DOCK3: variants seen among roughly 807,000 people sequenced by gnomAD.
The protein encoded by DOCK3 is dedicator of cytokinesis protein 3.
In DOCK3, 60 loss-of-function variants were observed where a neutral mutation model predicts 265.6. The observed-to-expected ratio is 0.23, with a 90% CI of 0.18 to 0.28. DOCK3 has a LOEUF of 0.28. DOCK3 is among the 10% of genes least tolerant of loss of function. The probability of loss-of-function intolerance (pLI) is 1.00; values close to 1 mark genes in which losing one functional copy is unlikely to be tolerated. For missense variants in DOCK3, 1,981 were observed against 2,594.3 expected (o/e 0.76, Z 5.14); for synonymous variants, 881 against 938.0 (o/e 0.94, Z 1.11).
chr3:51,294,877 A>G (rs972302201), intron 27 of DOCK3, among the ~76,000 whole-genome samples: 2 of 152,148 alleles, frequency 1.3e-5, no homozygotes, highest in Non-Finnish European at 2.9e-5. Context: ...CAAAATAGCT[A>G]AAACAGTATT....
chr3:51,315,098 G>A lies in DOCK3; in HGVS notation c.3372G>A (p.Trp1124Ter). The A allele has an allele frequency of 6.2e-7, 1 of 1,610,404 alleles. No individual in the cohort carries two copies. Among genetic ancestry groups the A allele is most frequent in the Non-Finnish European group, 8.5e-7 (1 of 1,177,926 alleles). ...MIPIFHDMMD[W>*]EQRKNGNFKQ... ...CCATCTTTCATGACATGATGGACTG[G>A]GAGCAGAGAAAAAATGGCAACTTCA... Residue 1124 changes from tryptophan (W) to a stop codon, truncating the protein, a stop_gained, in exon 32 of 53, where the codon TGG becomes TGA. Coordinates refer to ENST00000266037, the MANE Select transcript of DOCK3 (RefSeq NM_004947.5). LOFTEE classifies it high-confidence loss of function.
At chr3:51,380,278 G>A in intron 52 of DOCK3, 71 bp downstream of exon 52, 1 of 1,416,512 alleles carries the variant, frequency 7.1e-7, no homozygotes, top group South Asian at 1.3e-5. Context: ...AACCACCCTT[G>A]GGGTCTACAG....
intron 1 of DOCK3, among the ~76,000 whole-genome samples, chr3:50,703,298 A>T (rs2036171697): frequency 1.3e-5 from 2 of 151,810 alleles, no homozygotes; most frequent in African/African-American, 4.8e-5. Context: ...GTTGGCCTGT[A>T]GTTTTCTCTT....
At chr3:51,170,816 AC>A (rs1354444338) in intron 12 of DOCK3, among the ~76,000 whole-genome samples, 1 of 151,762 alleles carries the variant, frequency 6.6e-6, no homozygotes, top group African/African-American at 2.4e-5. Context: ...GGTAGCACAC[AC>A]CTGTAATCCC....
chr3:50,754,679 C>T (rs762162922), intron 1 of DOCK3, among the ~76,000 whole-genome samples: 5 of 151,712 alleles, frequency 3.3e-5, no homozygotes, highest in African/African-American at 4.8e-5. Flanking sequence ...CCTGCCTAAG[C>T]CTCCCAAGTA....
rs59370167 is a variant in DOCK3, at chr3:50,807,249, C to CT, written c.121+28514dup. 2.3e-3 allele frequency among the ~76,000 whole-genome samples: 339 copies of CT among 144,276 alleles called. 2 individuals carry two copies. Among genetic ancestry groups the CT allele is most frequent in the African/African-American group, 7.9e-3 (301 of 38,266 alleles). 94.7% of individuals were successfully genotyped at this position (144,276 alleles called of 152,430 possible). On this transcript the variant is annotated intron_variant, in intron 2 of 52. Coordinates refer to ENST00000266037, the MANE Select transcript of DOCK3 (RefSeq NM_004947.5). ...GTCAGCCATCTTGCTCTGCCACGCTCTTTTTTTTTTTTTTTTTTTTTTTGG... is the reference window on the plus strand; with the variant it reads ...GTCAGCCATCTTGCTCTGCCACGCTCTTTTTTTTTTTTTTTTTTTTTTTTGG...
intron 14 of DOCK3, among the ~76,000 whole-genome samples, chr3:51,221,369 G>T: frequency 6.6e-6 from 1 of 152,128 alleles, no homozygotes; most frequent in South Asian, 2.1e-4. Flanking sequence ...GTAAACTATA[G>T]CCTATGGGCC....
chr3:51,008,015 G>C (rs1456525124), intron 5 of DOCK3, among the ~76,000 whole-genome samples: 1 of 152,076 alleles, frequency 6.6e-6, no homozygotes, highest in Non-Finnish European at 1.5e-5. Context: ...TGTTGTTTTG[G>C]TTACTGTAGC....
intron 51 of DOCK3, among the ~76,000 whole-genome samples, chr3:51,377,596 A>G (rs1435427518): frequency 6.6e-6 from 1 of 152,166 alleles, no homozygotes; most frequent in Non-Finnish European, 1.5e-5. Context: ...TTCCTAGGAT[A>G]AGTCATTCTG....
rs1459596235 is a variant in DOCK3, at chr3:51,160,541, C to T, written c.890-14C>T. 2 of 1,598,064 alleles carry T rather than the reference C, an allele frequency of 1.3e-6. No individual in the cohort carries two copies. The highest frequency in any genetic ancestry group is 1.7e-6 in the Non-Finnish European group (2 of 1,173,978). ...CTTTTCTCAGTCTGACTGGTGTTTT[C>T]TGCTGTGCCCAAGGCCGGATGCTCC... On this transcript the variant is annotated splice_polypyrimidine_tract_variant and intron_variant, in intron 11 of 52. Coordinates refer to ENST00000266037, the MANE Select transcript of DOCK3 (RefSeq NM_004947.5).
chr3:51,053,622 C>T (rs973342150), intron 5 of DOCK3, among the ~76,000 whole-genome samples: 29 of 151,960 alleles, frequency 1.9e-4, no homozygotes, highest in East Asian at 3.9e-4. Context: ...GGGGTTTCAC[C>T]GTGTCAGCAA....
chr3:50,849,103 T>C (rs2046233475), intron 3 of DOCK3, among the ~76,000 whole-genome samples: 1 of 151,858 alleles, frequency 6.6e-6, no homozygotes, highest in Admixed American at 6.6e-5. Context: ...GGTGTGATCA[T>C]GGTTTACTGC....
intron 2 of DOCK3, among the ~76,000 whole-genome samples, chr3:50,803,918 G>T (rs371579265): frequency 6.6e-6 from 1 of 151,922 alleles, no homozygotes; most frequent in Non-Finnish European, 1.5e-5. Flanking sequence ...CGGCTGCCGG[G>T]TGGAGACGCT....
chr3:51,080,456 C>T (rs1248894134), intron 7 of DOCK3, among the ~76,000 whole-genome samples: 2 of 152,028 alleles, frequency 1.3e-5, no homozygotes, highest in African/African-American at 4.8e-5. Flanking sequence ...GCATTACAAC[C>T]CTAATAGAGG....
intron 2 of DOCK3, among the ~76,000 whole-genome samples, chr3:50,806,424 G>A (rs1398935460): frequency 6.6e-6 from 1 of 151,884 alleles, no homozygotes; most frequent in Non-Finnish European, 1.5e-5. Flanking sequence ...CCAGGGGCAT[G>A]TCTGTGTTGG....
chr3:51,374,518 G>C lies in DOCK3; in HGVS notation c.5343G>C (p.Leu1781Phe). 1 of 1,613,870 alleles carries C rather than the reference G, an allele frequency of 6.2e-7. No individual in the cohort carries two copies. Among genetic ancestry groups the C allele is most frequent in the Non-Finnish European group, 8.5e-7 (1 of 1,179,850 alleles). The change falls in exon 50 of 53, where the codon TTG becomes TTC. Residue 1781 changes from leucine (L) to phenylalanine (F), a missense_variant. Around this residue, in one of 4 missense-constraint regions of DOCK3, gnomAD observed 1,357 missense variants for 1,866.8 expected, o/e 0.73. Transcript: ENST00000266037. This position sits in a 1 kb window ranked among gnomAD's most constrained non-coding sequence, Gnocchi z 4.8. Reference protein sequence around the residue: ...DKYRHAREMMLLLPTYRDRPS... With the variant: ...DKYRHAREMMFLLPTYRDRPS... ...ACCGCCATGCCCGTGAAATGATGTT[G>C]TTGCTGCCCACATACCGGGACCGCC...
intron 49 of DOCK3, among the ~76,000 whole-genome samples, chr3:51,363,223 G>A (rs2086867676): frequency 1.3e-5 from 2 of 152,210 alleles, no homozygotes; most frequent in Admixed American, 1.3e-4. Context: ...TTCTTTGAGA[G>A]GCAGCATCTT....
intron 4 of DOCK3, among the ~76,000 whole-genome samples, chr3:50,902,366 A>T (rs1031509832): frequency 6.6e-6 from 1 of 152,088 alleles, no homozygotes; most frequent in African/African-American, 2.4e-5. Flanking sequence ...TTTATGTAAG[A>T]TGTAAGGGTC....
At chr3:51,024,141 A>G (rs2079711739) in intron 5 of DOCK3, among the ~76,000 whole-genome samples, 1 of 152,140 alleles carries the variant, frequency 6.6e-6, no homozygotes, top group Non-Finnish European at 1.5e-5. Flanking sequence ...AAGACTCTGT[A>G]TGAGTTCCTT....
Sources: gnomAD v4.1 joint callset for allele counts (sites outside exome capture counted in the v4.1 genomes callset) on GRCh38, gnomAD v4.1.1 for gene constraint, gnomAD v4.1.1 regional missense constraint, Gnocchi (gnomAD v3.1) non-coding constraint, MANE v1.5 for transcripts, NCBI Gene and HGNC (gene_info 2026-07-23, HGNC 2026-07-21) for gene names.